The following PLA1A variants were observed in gnomAD, a reference collection of about 807,000 sequenced individuals.
PLA1A encodes the protein phospholipase A1 member A.
Under a neutral mutation model 49.4 loss-of-function variants are expected in PLA1A, and 47 were observed. The ratio of observed to expected loss-of-function variants is 0.95; its 90% CI spans 0.75 to 1.21. The LOEUF (loss-of-function observed/expected upper bound fraction) is 1.21, where lower values mean the gene tolerates loss of function less well. Ranked by LOEUF, PLA1A falls within the 50% of genes most tolerant of loss-of-function variation. The pLI, the probability that PLA1A is intolerant of heterozygous loss-of-function variation, is 0.00. For missense variants in PLA1A, 561 were observed against 563.9 expected, an observed-to-expected ratio of 0.99 and a Z score of 0.05; for synonymous variants, 224 against 207.9, an observed-to-expected ratio of 1.08 and a Z score of -0.67.
intron 8 of PLA1A, among the ~76,000 whole-genome samples, chr3:119,619,902 G>T (rs959742140): frequency 6.6e-6 from 1 of 152,180 alleles, no homozygotes; most frequent in African/African-American, 2.4e-5. Flanking sequence ...TTACCCTCTA[G>T]TGGGTCTTCT....
intron 3 of PLA1A, 83 bp downstream of exon 3, chr3:119,609,030 C>A: frequency 8.4e-7 from 1 of 1,184,330 alleles, no homozygotes; most frequent in Non-Finnish European, 1.2e-6. Context: ...CCTGAGGAGG[C>A]TTAGGGTGGA....
In PLA1A at chr3:119,609,574, C is replaced by T. The variant is rs2082738124; in HGVS notation, c.560C>T (p.Thr187Ile). The T allele has an allele frequency of 8.5e-6, 13 of 1,537,184 alleles. No individual in the cohort carries two copies. The highest frequency in any genetic ancestry group is 1.1e-5 in the South Asian group (1 of 89,332). ...QLFGGQLGQI[T>I]GLDPAGPEYT... ...TTCGGAGGCCAGCTGGGACAGATCA[C>T]AGGTAACATTCCTCCCTGCCCATCC... Residue 187 changes from threonine to isoleucine, a missense_variant and splice_region_variant, in exon 4 of 11, where the codon ACA becomes ATA. Coordinates refer to ENST00000273371, the MANE Select transcript of PLA1A (RefSeq NM_015900.4).
intron 8 of PLA1A, among the ~76,000 whole-genome samples, chr3:119,622,153 GAAGAAGAAGAA>G (rs1560086895): frequency 3.1e-5 from 1 of 31,984 alleles, no homozygotes; most frequent in African/African-American, 9.8e-5. Flanking sequence ...GGAGGAGGAA[GAAGAAGAAGAA>G]GAAGAAGAAG....
At chr3:119,604,383 A>C (rs1185891484) in intron 1 of PLA1A, among the ~76,000 whole-genome samples, 1 of 152,220 alleles carries the variant, frequency 6.6e-6, no homozygotes, top group South Asian at 2.1e-4. Flanking sequence ...GAATGAATAA[A>C]AAAAAAGAAG....
At chr3:119,603,604 A>G (rs944952273) in intron 1 of PLA1A, among the ~76,000 whole-genome samples, 14 of 152,138 alleles carry the variant, frequency 9.2e-5, no homozygotes, top group Non-Finnish European at 1.9e-4. Flanking sequence ...CCCCTCCCCC[A>G]CCAACATTTG....
chr3:119,604,544 T>G (rs1399623609), intron 1 of PLA1A, among the ~76,000 whole-genome samples: 1 of 152,012 alleles, frequency 6.6e-6, no homozygotes, highest in Non-Finnish European at 1.5e-5. Context: ...CACACATATG[T>G]AGGAGCTAAA....
chr3:119,609,396 G>T (rs1228674925), intron 3 of PLA1A, 72 bp from the exon 4 acceptor site: 3 of 953,304 alleles, frequency 3.1e-6, no homozygotes, highest in Non-Finnish European at 5.2e-6. Flanking sequence ...TGAAGCTTTG[G>T]GGGAAAGCCT....
At chr3:119,600,177 C>T (rs537244723) in intron 1 of PLA1A, 1 of 545,084 alleles carries the variant, frequency 1.8e-6, no homozygotes, top group Non-Finnish European at 3.3e-6. Context: ...TGCTGTCACA[C>T]AAGGGCAGTA....
At chr3:119,623,358 G>T (rs1490251714) in intron 8 of PLA1A, among the ~76,000 whole-genome samples, 3 of 152,040 alleles carry the variant, frequency 2.0e-5, no homozygotes, top group Admixed American at 6.6e-5. Context: ...TGTGGCCCAG[G>T]CTGGTCTTGA....
intron 8 of PLA1A, 151 bp from the exon 9 acceptor site, chr3:119,624,973 T>G (rs969940981): frequency 1.7e-6 from 1 of 578,486 alleles, no homozygotes; most frequent in Non-Finnish European, 3.2e-6. Flanking sequence ...TTGAGGAAAC[T>G]GAGGACCTGA....
chr3:119,629,448 C>G lies in PLA1A; in HGVS notation c.1351C>G (p.Leu451Val), dbSNP rs375163480. The change falls in exon 11 of 11, where the codon CTG (leucine) becomes GTG (valine). Residue 451 changes from leucine (L) to valine (V), a missense_variant. Coordinates refer to ENST00000273371, the MANE Select transcript of PLA1A (RefSeq NM_015900.4). Reference protein sequence around the residue: ...LQASVTVSCDLKIACV With the variant: ...LQASVTVSCDVKIACV ...AGCAAGTGTGACTGTTTCCTGTGAC[C>G]TGAAGATAGCCTGTGTGTAGTTTAA... 1 of 1,604,720 alleles carries G rather than the reference C, an allele frequency of 6.2e-7. No individual in the cohort carries two copies. Among genetic ancestry groups the G allele is most frequent in the Non-Finnish European group, 8.5e-7 (1 of 1,172,266 alleles).
chr3:119,625,792 G>A lies in PLA1A; in HGVS notation c.1121+560G>A, dbSNP rs533312294. Among the ~76,000 whole-genome samples, 4 of 152,288 alleles carry A rather than the reference G, an allele frequency of 2.6e-5. No individual in the cohort carries two copies. In the South Asian group the frequency reaches 8.3e-4, roughly 32 times the overall value. The stretch of plus-strand genomic sequence containing the variant: ...GGGGTAGTCATTCCCTTCCTTTGTT[G>A]GGGCAGACTTGGGCTTGGGGGCTGG... On this transcript the variant is annotated intron_variant, in intron 9 of 10. Coordinates refer to ENST00000273371, the MANE Select transcript of PLA1A (RefSeq NM_015900.4).
At chr3:119,609,419 C>A in intron 3 of PLA1A, 49 bp from the exon 4 acceptor site, 2 of 1,172,814 alleles carry the variant, frequency 1.7e-6, no homozygotes, top group Non-Finnish European at 1.3e-6. Context: ...CACTGTGAAG[C>A]CAGCAGACTC....
chr3:119,607,082 C>T (rs2082699442), intron 2 of PLA1A, 107 bp downstream of exon 2: 2 of 843,410 alleles, frequency 2.4e-6, no homozygotes, highest in South Asian at 1.5e-5. Flanking sequence ...TTACCAATGG[C>T]CACATGTTCC....
At chr3:119,602,882 A>G (rs1416060389) in intron 1 of PLA1A, among the ~76,000 whole-genome samples, 1 of 152,150 alleles carries the variant, frequency 6.6e-6, no homozygotes, top group Admixed American at 6.6e-5. Flanking sequence ...TTGACAAGCA[A>G]AGACTTGAAG....
intron 1 of PLA1A, among the ~76,000 whole-genome samples, chr3:119,606,246 G>A (rs1050737446): frequency 2.0e-5 from 3 of 152,230 alleles, no homozygotes; most frequent in African/African-American, 7.2e-5. Context: ...ATGAGCAAAG[G>A]ATCTGTTCCA....
intron 7 of PLA1A, among the ~76,000 whole-genome samples, chr3:119,619,051 A>G (rs1293900091): frequency 2.0e-5 from 3 of 152,158 alleles, no homozygotes; most frequent in Non-Finnish European, 4.4e-5. Flanking sequence ...CTCATCTCTC[A>G]CTACACTTTC....
At chr3:119,609,036 G>T in intron 3 of PLA1A, 89 bp downstream of exon 3, 1 of 1,121,560 alleles carries the variant, frequency 8.9e-7, no homozygotes, top group African/African-American at 1.5e-5. Flanking sequence ...GAGGCTTAGG[G>T]TGGAAGCAGA....
intron 6 of PLA1A, among the ~76,000 whole-genome samples, chr3:119,617,597 G>C (rs1437150451): frequency 6.6e-6 from 1 of 151,898 alleles, no homozygotes. Flanking sequence ...ACAAAAATTT[G>C]TGAGGCATGG....
Sources: allele counts gnomAD v4.1 joint callset (sites outside exome capture counted in the v4.1 genomes callset), GRCh38; gene constraint gnomAD v4.1.1; transcripts MANE v1.5; gene names NCBI Gene and HGNC (gene_info 2026-07-23, HGNC 2026-07-21).